The following PLCB1 variants were observed in gnomAD, a reference collection of about 807,000 sequenced individuals.
PLCB1 encodes the protein phospholipase C beta 1.
Under a neutral mutation model 161.8 loss-of-function variants are expected in PLCB1, and 46 were observed. The observed-to-expected ratio is 0.28, with a 90% confidence interval of 0.22 to 0.36. The LOEUF is 0.36. PLCB1 is among the 10% of genes least tolerant of loss of function. PLCB1 has a pLI of 1.00. For missense variants in PLCB1, 1,016 were observed against 1,472.5 expected (o/e 0.69, Z 5.07); for synonymous variants, 517 against 503.7 (o/e 1.03, Z -0.35).
chr20:8,371,049 C>T (rs1986887735), intron 2 of PLCB1: 1 of 224,358 alleles, frequency 4.5e-6, no homozygotes, highest in African/African-American at 2.3e-5. Context: ...CCCTCATACC[C>T]TCACCTACGC....
chr20:8,870,926 G>A (rs1450805274), intron 31 of PLCB1, among the ~76,000 whole-genome samples: 2 of 152,182 alleles, frequency 1.3e-5, no homozygotes, highest in African/African-American at 4.8e-5. Context: ...GTCTAAAGTG[G>A]TGCTATTCAC....
At chr20:8,823,553 A>G (rs1390675677) in intron 31 of PLCB1, among the ~76,000 whole-genome samples, 3 of 152,212 alleles carry the variant, frequency 2.0e-5, no homozygotes, top group Non-Finnish European at 4.4e-5. Context: ...TTAGGTTGCT[A>G]ATCAATTCGT....
intron 9 of PLCB1, among the ~76,000 whole-genome samples, chr20:8,665,760 A>G (rs1051798096): frequency 6.6e-6 from 1 of 152,198 alleles, no homozygotes; most frequent in Non-Finnish European, 1.5e-5. Context: ...ATAAAAACTA[A>G]TGATGGTGAT....
intron 14 of PLCB1, among the ~76,000 whole-genome samples, chr20:8,718,091 G>A (rs900842752): frequency 3.3e-5 from 5 of 151,906 alleles, no homozygotes; most frequent in African/African-American, 7.3e-5. Context: ...ATAGTGGCAC[G>A]TACCTGTAGT....
At chr20:8,821,523 A>G (rs866337197) in intron 31 of PLCB1, among the ~76,000 whole-genome samples, 19 of 36,986 alleles carry the variant, frequency 5.1e-4, no homozygotes, top group East Asian at 9.4e-4. Context: ...ATATATATAT[A>G]TATATATATA....
At chr20:8,346,792 A>G (rs982816479) in intron 2 of PLCB1, among the ~76,000 whole-genome samples, 5 of 152,202 alleles carry the variant, frequency 3.3e-5, no homozygotes, top group African/African-American at 1.2e-4. Context: ...GAGAGCAGCA[A>G]ATAGTAGGAG....
At chr20:8,620,431 C>A (rs73597519) in intron 3 of PLCB1, among the ~76,000 whole-genome samples, 8,976 of 152,014 alleles carry the variant, frequency 0.059, 602 homozygotes, top group African/African-American at 0.16. Context: ...AGCCGGAACT[C>A]AAAGCCAGAC....
At position 8,788,874 on chromosome 20, in the gene PLCB1, A is replaced by C. The variant is rs2076410; in HGVS notation, c.3278+152A>C. ...AAAAGATTCTTTTGGTAAGGTTTTTAACAGGGAAGGCTCAAGCAAAGACTG... is the reference window on the plus strand; with the variant it reads ...AAAAGATTCTTTTGGTAAGGTTTTTCACAGGGAAGGCTCAAGCAAAGACTG... On this transcript the variant is annotated intron_variant, in intron 29 of 31. Coordinates refer to ENST00000338037, the MANE Select transcript of PLCB1 (RefSeq NM_015192.4). 0.28 allele frequency: 169,033 copies of C among 602,044 alleles called. 25,352 individuals carry two copies. Among genetic ancestry groups the C allele is most frequent in the South Asian group, 0.33 (15,106 of 45,230 alleles). The allele number at this position is 602,044 out of a possible 1,614,324, so 37.3% of individuals were successfully genotyped here.
chr20:8,490,890 AT>A (rs1254457738), intron 3 of PLCB1, among the ~76,000 whole-genome samples: 1 of 150,336 alleles, frequency 6.7e-6, no homozygotes, highest in Non-Finnish European at 1.5e-5. Flanking sequence ...ACACATATCT[AT>A]ATGTACACAT....
chr20:8,357,300 C>T (rs969131273), intron 2 of PLCB1, among the ~76,000 whole-genome samples: 1 of 152,142 alleles, frequency 6.6e-6, no homozygotes, highest in Non-Finnish European at 1.5e-5. Flanking sequence ...TACCCGGAAT[C>T]AGCATATAGG....
chr20:8,624,417 T>C (rs1988273736), intron 3 of PLCB1, among the ~76,000 whole-genome samples: 1 of 152,208 alleles, frequency 6.6e-6, no homozygotes. Flanking sequence ...AAATAAAATC[T>C]AAAGGTCATG....
chr20:8,803,420 C>T (rs1176931843), intron 31 of PLCB1, among the ~76,000 whole-genome samples: 1 of 142,572 alleles, frequency 7.0e-6, no homozygotes, highest in African/African-American at 2.5e-5. Context: ...AATCACAAGC[C>T]TGGGCCTTTG....
intron 3 of PLCB1, among the ~76,000 whole-genome samples, chr20:8,568,280 A>C (rs1349691832): frequency 1.3e-5 from 2 of 152,212 alleles, no homozygotes; most frequent in Non-Finnish European, 2.9e-5. Flanking sequence ...TTTTCTAGCC[A>C]AAGTTCTATT....
chr20:8,602,239 G>A (rs1261457294), intron 3 of PLCB1, among the ~76,000 whole-genome samples: 1 of 151,932 alleles, frequency 6.6e-6, no homozygotes, highest in Non-Finnish European at 1.5e-5. Context: ...CAAAAGCAAG[G>A]TTGACTCTTG....
intron 27 of PLCB1, 100 bp from the exon 28 acceptor site, chr20:8,788,349 C>A (rs1277740261): frequency 2.8e-6 from 3 of 1,070,566 alleles, no homozygotes; most frequent in Admixed American, 2.3e-5. Context: ...AAACATCCAT[C>A]ACAGATATTC....
intron 2 of PLCB1, among the ~76,000 whole-genome samples, chr20:8,226,564 A>G (rs563012061): frequency 1.3e-5 from 2 of 152,242 alleles, no homozygotes; most frequent in East Asian, 1.9e-4. Context: ...ATAACCTCCT[A>G]CTTCCTTCTC....
At chr20:8,739,128 G>A in intron 20 of PLCB1, 133 bp from the exon 21 acceptor site, 2 of 665,520 alleles carry the variant, frequency 3.0e-6, no homozygotes, top group Non-Finnish European at 5.5e-6. Flanking sequence ...TTCAGCCTGG[G>A]TGACACAGCA....
intron 9 of PLCB1, among the ~76,000 whole-genome samples, chr20:8,680,899 G>A (rs1030152848): frequency 1.1e-4 from 16 of 151,138 alleles, no homozygotes; most frequent in Non-Finnish European, 2.2e-4. Context: ...GACCTGTAGG[G>A]TATTAACTAG....
chr20:8,480,246 C>G (rs1982443817), intron 3 of PLCB1, among the ~76,000 whole-genome samples: 1 of 152,130 alleles, frequency 6.6e-6, no homozygotes, highest in African/African-American at 2.4e-5. Context: ...AATCCCCAAG[C>G]TGAACAGAGA....
Sources: allele counts gnomAD v4.1 joint callset (sites outside exome capture counted in the v4.1 genomes callset), GRCh38; gene constraint gnomAD v4.1.1; transcripts MANE v1.5; gene names NCBI Gene and HGNC (gene_info 2026-07-23, HGNC 2026-07-21).